Variants in RSBN1 observed in about 807,000 individuals in gnomAD.
RSBN1 encodes lysine-specific demethylase 9.
Under a neutral mutation model 74.8 loss-of-function variants are expected in RSBN1, and 23 were observed. The ratio of observed to expected loss-of-function variants is 0.31; its 90% CI spans 0.22 to 0.44. The LOEUF is 0.44. Among genes scored for constraint, RSBN1 ranks in the 20% least tolerant of loss-of-function variants. The pLI is 1.00. For missense variants in RSBN1, 808 were observed against 1,020.9 expected (o/e 0.79, Z 2.84); for synonymous variants, 407 against 379.6 (o/e 1.07, Z -0.84).
chr1:113,781,126 C>G (rs1468064560), intron 2 of RSBN1, among the ~76,000 whole-genome samples: 2 of 152,178 alleles, frequency 1.3e-5, no homozygotes, highest in Non-Finnish European at 2.9e-5. Context: ...CACCTCTGGA[C>G]TTTTCCATTC....
rs1660507744 is a variant in RSBN1, at chr1:113,797,982, T to G, written c.758A>C (p.Lys253Thr). 1.2e-6 allele frequency: 2 copies of G among 1,612,404 alleles called. No individual in the cohort carries two copies. Among genetic ancestry groups the G allele is most frequent in the Non-Finnish European group, 1.7e-6 (2 of 1,179,656 alleles). The change falls in exon 2 of 7, where the codon AAA becomes ACA. Residue 253 changes from lysine (K) to threonine (T), a missense_variant. Coordinates refer to ENST00000261441, the MANE Select transcript of RSBN1 (RefSeq NM_018364.5). ...TTTCTTTTTCTTTTTCTTCTTTATT[T>G]TCTTCAAGACAAAATCATCGGCTCT... ...TQRADDFVLKKIKKKKKKKHR... is the reference protein window; with the variant it reads ...TQRADDFVLKTIKKKKKKKHR...
chr1:113,809,411 C>T (rs2101830662), intron 1 of RSBN1, among the ~76,000 whole-genome samples: 1 of 152,296 alleles, frequency 6.6e-6, no homozygotes, highest in East Asian at 1.9e-4. Context: ...CAGAGGCATG[C>T]CTCCTGCATA....
chr1:113,784,322 T>TA (rs769201381), intron 2 of RSBN1, among the ~76,000 whole-genome samples: 1 of 152,120 alleles, frequency 6.6e-6, no homozygotes, highest in Non-Finnish European at 1.5e-5. Context: ...AGCTTGTACT[T>TA]ACACAAATCT....
chr1:113,773,730 T>C (rs967508642), intron 4 of RSBN1, among the ~76,000 whole-genome samples: 1 of 151,206 alleles, frequency 6.6e-6, no homozygotes, highest in African/African-American at 2.4e-5. Flanking sequence ...CATGGCCACG[T>C]GCAGTGGCTC....
At position 113,766,115 on chromosome 1, in the gene RSBN1, T is replaced by A. The variant is rs765637311; in HGVS notation, c.2274A>T (p.Ser758=). The A allele has an allele frequency of 5.6e-6, 9 of 1,613,976 alleles. No homozygotes were observed. The highest frequency in any genetic ancestry group is 7.6e-6 in the Non-Finnish European group (9 of 1,179,970). The change falls in exon 7 of 7, where the codon TCA becomes TCT. Residue 758 remains serine (S), a synonymous_variant. Transcript: ENST00000261441. ...TAAGTTCTGATGCAGGTGGGAAAGA[T>A]GATGAAGCAGTTGTTAACAGCTGAA... ...TEIQLLTTAS[S]SFPPASELNL...
intron 2 of RSBN1, among the ~76,000 whole-genome samples, chr1:113,788,734 C>T (rs951714744): frequency 6.6e-6 from 1 of 152,160 alleles, no homozygotes; most frequent in Admixed American, 6.5e-5. Flanking sequence ...AGGCAAGAGT[C>T]ATGGAATGCC....
At chr1:113,784,834 T>C (rs985603569) in intron 2 of RSBN1, among the ~76,000 whole-genome samples, 3 of 152,178 alleles carry the variant, frequency 2.0e-5, no homozygotes, top group Admixed American at 2.0e-4. Flanking sequence ...GCTTGCAGAA[T>C]AGGGAGTTGT....
At chr1:113,797,244 G>C in intron 2 of RSBN1, 119 bp downstream of exon 2, 1 of 799,172 alleles carries the variant, frequency 1.3e-6, no homozygotes, top group Non-Finnish European at 1.9e-6. Flanking sequence ...ACAATTTGAA[G>C]CACCTTTATT....
intron 2 of RSBN1, among the ~76,000 whole-genome samples, chr1:113,782,111 A>C (rs986864301): frequency 1.3e-5 from 2 of 152,130 alleles, no homozygotes; most frequent in African/African-American, 4.8e-5. Flanking sequence ...CATTCTCCAC[A>C]TTTGCCACAT....
intron 4 of RSBN1, among the ~76,000 whole-genome samples, chr1:113,772,482 G>A (rs1386714458): frequency 6.6e-6 from 1 of 152,006 alleles, no homozygotes; most frequent in African/African-American, 2.4e-5. Flanking sequence ...TTGCCTCTGG[G>A]AAGGAAAAGT....
intron 1 of RSBN1, among the ~76,000 whole-genome samples, chr1:113,804,938 A>G (rs1011733155): frequency 6.6e-6 from 1 of 151,420 alleles, no homozygotes; most frequent in African/African-American, 2.4e-5. Flanking sequence ...GATAAGAAAG[A>G]TGACTCACAA....
At chr1:113,806,201 G>C (rs920454765) in intron 1 of RSBN1, among the ~76,000 whole-genome samples, 1 of 151,976 alleles carries the variant, frequency 6.6e-6, no homozygotes, top group African/African-American at 2.4e-5. Flanking sequence ...TGGGTGTGGT[G>C]GTGGGCGCCT....
intron 4 of RSBN1, among the ~76,000 whole-genome samples, chr1:113,771,306 C>T (rs1322934328): frequency 6.6e-6 from 1 of 151,998 alleles, no homozygotes. Context: ...AAGAAATTTT[C>T]AGACATATAA....
intron 4 of RSBN1, among the ~76,000 whole-genome samples, chr1:113,772,389 T>A (rs565544119): frequency 1.5e-4 from 23 of 152,092 alleles, no homozygotes; most frequent in African/African-American, 2.4e-4. Flanking sequence ...ATTAAAAAAA[T>A]TTTTAATTAA....
chr1:113,807,130 T>C (rs375358669), intron 1 of RSBN1, among the ~76,000 whole-genome samples: 1 of 150,382 alleles, frequency 6.6e-6, no homozygotes, highest in Admixed American at 6.6e-5. Context: ...CTGACCAATA[T>C]GGCGAAACCC....
chr1:113,791,775 A>G (rs909859993), intron 2 of RSBN1, among the ~76,000 whole-genome samples: 7 of 152,146 alleles, frequency 4.6e-5, no homozygotes, highest in Non-Finnish European at 8.8e-5. Context: ...AAAACCTGCT[A>G]CTTAAAATGT....
intron 4 of RSBN1, among the ~76,000 whole-genome samples, chr1:113,771,844 A>G (rs1659890227): frequency 6.6e-6 from 1 of 150,982 alleles, no homozygotes; most frequent in South Asian, 2.1e-4. Context: ...GGGTAATCAG[A>G]AACTGCAGGA....
rs150435580 is a variant in RSBN1 at position 113,805,177 on chromosome 1, C to T, written c.703+6533G>A. Among the ~76,000 whole-genome samples the T allele has an allele frequency of 1.2e-4, 18 of 151,664 alleles. No individual in the cohort carries two copies. In the East Asian group the frequency reaches 3.3e-3, roughly 28 times the overall value. On this transcript the variant is annotated intron_variant, in intron 1 of 6. Coordinates refer to ENST00000261441, the MANE Select transcript of RSBN1 (RefSeq NM_018364.5). ...GTCGACCAGGCTGGAATGCAAGTGG[C>T]GCAATCTCAGCTCAGTGCAACCTCC...
chr1:113,774,044 A>G (rs1287896022), intron 4 of RSBN1, among the ~76,000 whole-genome samples: 2 of 152,078 alleles, frequency 1.3e-5, no homozygotes, highest in African/African-American at 4.8e-5. Context: ...CATATGCACA[A>G]ACATACATAT....
Sources: gnomAD v4.1 joint callset for allele counts (sites outside exome capture counted in the v4.1 genomes callset) on GRCh38, gnomAD v4.1.1 for gene constraint, MANE v1.5 for transcripts, NCBI Gene and HGNC (gene_info 2026-07-23, HGNC 2026-07-21) for gene names.